Variants in ZNF385D observed in about 807,000 individuals in gnomAD.
ZNF385D encodes the protein zinc finger protein 385D.
In ZNF385D, 15 loss-of-function variants were observed where a neutral mutation model predicts 35.8. The ratio of observed to expected loss-of-function variants is 0.42; its 90% CI spans 0.28 to 0.64. The LOEUF (loss-of-function observed/expected upper bound fraction) is 0.64, where lower values mean the gene tolerates loss of function less well. ZNF385D is among the 30% of genes least tolerant of loss of function. ZNF385D has a pLI of 0.23. For missense variants in ZNF385D, 474 were observed against 494.6 expected (o/e 0.96, Z 0.39); for synonymous variants, 212 against 186.8 (o/e 1.13, Z -1.10).
At chr3:22,122,585 A>T (rs2125668373) in intron 3 of ZNF385D, among the ~76,000 whole-genome samples, 1 of 152,312 alleles carries the variant, frequency 6.6e-6, no homozygotes, top group East Asian at 1.9e-4. Flanking sequence ...TGTAGAGCTT[A>T]ATTTCAAAAA....
At chr3:21,752,518 C>T (rs867295876), upstream of ZNF385D, among the ~76,000 whole-genome samples, 6 of 152,110 alleles carry the variant, frequency 3.9e-5, no homozygotes, top group Non-Finnish European at 7.4e-5. Flanking sequence ...CTCATAATAA[C>T]GGCTTTCTGT....
intron 3 of ZNF385D, among the ~76,000 whole-genome samples, chr3:22,036,206 G>A (rs1471170908): frequency 2.0e-5 from 3 of 152,148 alleles, no homozygotes; most frequent in African/African-American, 4.8e-5. Context: ...ATTCATGGGG[G>A]TGAAGGTACT....
chr3:22,006,924 G>C (rs573387507), intron 3 of ZNF385D, among the ~76,000 whole-genome samples: 170 of 152,002 alleles, frequency 1.1e-3, no homozygotes, highest in Non-Finnish European at 2.1e-3. Flanking sequence ...TTGGTAAGAA[G>C]TCCTGAGTTT....
intron 2 of ZNF385D, among the ~76,000 whole-genome samples, chr3:22,184,929 A>G (rs937982062): frequency 3.9e-5 from 6 of 152,002 alleles, no homozygotes; most frequent in African/African-American, 9.7e-5. Context: ...TCACTTGGCC[A>G]TTTTTTTAAT....
chr3:21,881,770 T>G (rs966650620), intron 3 of ZNF385D, among the ~76,000 whole-genome samples: 5 of 152,008 alleles, frequency 3.3e-5, no homozygotes, highest in African/African-American at 9.7e-5. Flanking sequence ...TAGATGCCAT[T>G]AAGCATATTC....
intron 3 of ZNF385D, among the ~76,000 whole-genome samples, chr3:21,549,192 C>T (rs989297490): frequency 6.6e-6 from 1 of 152,118 alleles, no homozygotes; most frequent in Non-Finnish European, 1.5e-5. Context: ...ATAAAGATTT[C>T]TCCTTTCTTA....
chr3:22,356,685 T>C (rs979875152), intron 2 of ZNF385D, among the ~76,000 whole-genome samples: 3 of 151,940 alleles, frequency 2.0e-5, no homozygotes, highest in African/African-American at 4.8e-5. Context: ...CCTTAAGAGA[T>C]GGCAATAGAG....
At chr3:21,463,496 C>T (rs920013428) in intron 4 of ZNF385D, among the ~76,000 whole-genome samples, 2 of 152,168 alleles carry the variant, frequency 1.3e-5, no homozygotes, top group Admixed American at 1.3e-4. Context: ...GAGGCACACA[C>T]CTGGGACCCT....
At chr3:21,437,689 C>A (rs1243871094) in intron 4 of ZNF385D, among the ~76,000 whole-genome samples, 3 of 14,580 alleles carry the variant, frequency 2.1e-4, no homozygotes, top group South Asian at 1.8e-3. Flanking sequence ...GATCCTTTTG[C>A]AAATGCTTAT....
chr3:21,974,298 A>G (rs1057015397), intron 3 of ZNF385D, among the ~76,000 whole-genome samples: 10 of 152,142 alleles, frequency 6.6e-5, no homozygotes, highest in Non-Finnish European at 4.4e-5. Context: ...ATTTTCAACA[A>G]AGGTACCAAG....
intron 3 of ZNF385D, among the ~76,000 whole-genome samples, chr3:21,898,239 A>G (rs1233462140): frequency 6.6e-6 from 1 of 152,210 alleles, no homozygotes; most frequent in Non-Finnish European, 1.5e-5. Context: ...ACATTTTATT[A>G]TCACCGAACA....
intron 3 of ZNF385D, among the ~76,000 whole-genome samples, chr3:22,118,752 C>A (rs929325310): frequency 3.3e-5 from 5 of 152,092 alleles, no homozygotes; most frequent in African/African-American, 1.2e-4. Flanking sequence ...CTTCTGTTAA[C>A]AGTCATAGTT....
chr3:21,965,204 G>A (rs1391296832), intron 3 of ZNF385D, among the ~76,000 whole-genome samples: 1 of 152,142 alleles, frequency 6.6e-6, no homozygotes, highest in Non-Finnish European at 1.5e-5. Flanking sequence ...CTGACCCTAA[G>A]TTTCTTTATC....
chr3:21,839,552 G>A (rs544008402), intron 3 of ZNF385D, among the ~76,000 whole-genome samples: 3 of 152,118 alleles, frequency 2.0e-5, no homozygotes, highest in African/African-American at 7.2e-5. Context: ...TATTAGGCAA[G>A]AGAGGCTAGC....
At chr3:21,940,761 G>A (rs1701478823) in intron 3 of ZNF385D, among the ~76,000 whole-genome samples, 1 of 152,164 alleles carries the variant, frequency 6.6e-6, no homozygotes, top group Non-Finnish European at 1.5e-5. Context: ...ACAGTGGTCA[G>A]GGAGGTTCCA....
At chr3:21,769,063 T>C (rs2070961068) in intron 3 of ZNF385D, among the ~76,000 whole-genome samples, 1 of 151,822 alleles carries the variant, frequency 6.6e-6, no homozygotes, top group Non-Finnish European at 1.5e-5. Flanking sequence ...TTATTGAGAG[T>C]TTTTAGCATG....
At chr3:21,993,374 C>T (rs1695262748) in intron 3 of ZNF385D, among the ~76,000 whole-genome samples, 1 of 152,126 alleles carries the variant, frequency 6.6e-6, no homozygotes, top group Non-Finnish European at 1.5e-5. Flanking sequence ...TAATTTACTT[C>T]ACTGTGGTAA....
chr3:21,733,561 A>G (rs1360492092), intron 1 of ZNF385D, among the ~76,000 whole-genome samples: 1 of 152,140 alleles, frequency 6.6e-6, no homozygotes, highest in Non-Finnish European at 1.5e-5. Flanking sequence ...AACTTAATTT[A>G]TGAATTATTT....
chr3:21,768,806 C>T (rs1048790076), intron 3 of ZNF385D, among the ~76,000 whole-genome samples: 1 of 151,850 alleles, frequency 6.6e-6, no homozygotes, highest in Non-Finnish European at 1.5e-5. Flanking sequence ...TGGGGACGAA[C>T]GCCCCATCCC....
Sources: allele counts gnomAD v4.1 joint callset (sites outside exome capture counted in the v4.1 genomes callset), GRCh38; gene constraint gnomAD v4.1.1; transcripts MANE v1.5; gene names NCBI Gene and HGNC (gene_info 2026-07-23, HGNC 2026-07-21).